LIN52: variants seen among roughly 807,000 people sequenced by gnomAD.
The protein encoded by LIN52 is lin-52 DREAM MuvB core complex component.
Under a neutral mutation model 18.5 loss-of-function variants are expected in LIN52, and 4 were observed. The observed-to-expected ratio is 0.22, with a 90% CI of 0.11 to 0.49. The LOEUF is 0.49. Among genes scored for constraint, LIN52 ranks in the 20% least tolerant of loss-of-function variants. The pLI is 0.97. For synonymous variants in LIN52, 34 were observed against 45.5 expected (o/e 0.75, Z 1.02); for missense variants, 102 against 139.5 (o/e 0.73, Z 1.35).
At chr14:74,167,580 C>G (rs926601828) in intron 5 of LIN52, among the ~76,000 whole-genome samples, 3 of 152,182 alleles carry the variant, frequency 2.0e-5, no homozygotes, top group African/African-American at 7.2e-5. Context: ...TCCAGAAATT[C>G]TTAACATGTA....
At position 74,097,882 on chromosome 14, in the gene LIN52, TTTTAACTGGATATTTATGTTTTTCCA is replaced by T. The variant is rs1371167857; in HGVS notation, c.199+24_199+49del. ...AAAGGTAAGTGATGCTAGTTACCACTTTTAACTGGATATTTATGTTTTTCCATAGACCACCTCTCTATTTTTTTTTT... is the reference window on the plus strand; with the variant it reads ...AAAGGTAAGTGATGCTAGTTACCACTTAGACCACCTCTCTATTTTTTTTTT... On this transcript the variant is annotated intron_variant, in intron 4 of 5. Coordinates refer to ENST00000555028, the MANE Select transcript of LIN52 (RefSeq NM_001024674.3). 8 of 1,561,198 alleles carry T rather than the reference TTTTAACTGGATATTTATGTTTTTCCA, an allele frequency of 5.1e-6. No individual in the cohort carries two copies. The Admixed American group carries it at 1.0e-4, about 20-fold the overall frequency.
chr14:74,085,056 C>G, intron 1 of LIN52, 63 bp downstream of exon 1: 3 of 1,284,088 alleles, frequency 2.3e-6, no homozygotes, highest in Non-Finnish European at 3.0e-6. Context: ...GGAACATCCA[C>G]TCTGTCTCTG....
chr14:74,140,735 C>T (rs1261091377), intron 5 of LIN52, among the ~76,000 whole-genome samples: 1 of 152,192 alleles, frequency 6.6e-6, no homozygotes, highest in African/African-American at 2.4e-5. Context: ...CAAGAAGAGG[C>T]TGGGTATTAT....
intron 5 of LIN52, among the ~76,000 whole-genome samples, chr14:74,164,928 A>C (rs1249320794): frequency 6.6e-6 from 1 of 152,194 alleles, no homozygotes; most frequent in Non-Finnish European, 1.5e-5. Flanking sequence ...AACTTGGAGA[A>C]AACAGAATAT....
chr14:74,175,441 CT>C (rs1484485477), intron 5 of LIN52, among the ~76,000 whole-genome samples: 1 of 151,728 alleles, frequency 6.6e-6, no homozygotes, highest in African/African-American at 2.4e-5. Context: ...CACCATACTC[CT>C]GTCCAGGCTA....
rs769971029 is a variant in LIN52, at chr14:74,199,221, C to T, written c.*244C>T. 3 of 398,400 alleles carry T rather than the reference C, an allele frequency of 7.5e-6. No homozygotes were observed. The highest frequency in any genetic ancestry group is 6.7e-5 in the South Asian group (1 of 14,956). 24.7% of individuals were successfully genotyped at this position (398,400 alleles called of 1,614,324 possible). A position where few individuals can be genotyped will look rare whatever the true frequency, so the allele number is the denominator to read the frequency against. ...TTTCAGACTTGAACCTTCTTAGCCT[C>T]GGATATTGGTAACAGCTGAGGGCAT... On this transcript the variant is annotated 3_prime_UTR_variant, in exon 6 of 6. Transcript: ENST00000555028.
At chr14:74,154,120 GT>G (rs1003817255) in intron 5 of LIN52, among the ~76,000 whole-genome samples, 31 of 144,752 alleles carry the variant, frequency 2.1e-4, no homozygotes, top group African/African-American at 5.3e-4. Flanking sequence ...TTTCCTTAAT[GT>G]TTTTTTTTTT....
intron 5 of LIN52, among the ~76,000 whole-genome samples, chr14:74,145,393 A>T (rs936699884): frequency 1.3e-5 from 2 of 152,214 alleles, no homozygotes; most frequent in African/African-American, 4.8e-5. Flanking sequence ...TGTGAAAATA[A>T]TCTTAAAGTT....
At chr14:74,172,370 C>G (rs917481362) in intron 5 of LIN52, among the ~76,000 whole-genome samples, 1 of 152,184 alleles carries the variant, frequency 6.6e-6, no homozygotes, top group Non-Finnish European at 1.5e-5. Flanking sequence ...TATAACTTCT[C>G]TCTCTCAGTT....
At chr14:74,142,274 CA>C (rs1446245904) in intron 5 of LIN52, among the ~76,000 whole-genome samples, 3 of 152,186 alleles carry the variant, frequency 2.0e-5, no homozygotes, top group Non-Finnish European at 4.4e-5. Context: ...GAAGAGATGT[CA>C]TACTACTAAA....
At chr14:74,095,884 T>C (rs940212993) in intron 2 of LIN52, 64 bp from the exon 3 acceptor site, 2 of 1,042,844 alleles carry the variant, frequency 1.9e-6, no homozygotes, top group Admixed American at 2.3e-5. Context: ...TTCTTATTAT[T>C]TGGATCTTCT....
At chr14:74,179,407 C>T (rs891702277) in intron 5 of LIN52, among the ~76,000 whole-genome samples, 1 of 152,090 alleles carries the variant, frequency 6.6e-6, no homozygotes, top group African/African-American at 2.4e-5. Context: ...TGCCTGTAAT[C>T]CCAACACTTT....
chr14:74,142,069 G>A (rs1300193791), intron 5 of LIN52, among the ~76,000 whole-genome samples: 4 of 152,202 alleles, frequency 2.6e-5, no homozygotes, highest in African/African-American at 9.6e-5. Flanking sequence ...TCAGTGATAG[G>A]AGAAATCAGT....
At chr14:74,132,268 C>A (rs1309684876) in intron 5 of LIN52, among the ~76,000 whole-genome samples, 1 of 152,148 alleles carries the variant, frequency 6.6e-6, no homozygotes, top group Non-Finnish European at 1.5e-5. Context: ...ATAATAGTAA[C>A]AGTGGATGTC....
At chr14:74,184,543 CT>C (rs1295767157) in intron 5 of LIN52, among the ~76,000 whole-genome samples, 1 of 152,212 alleles carries the variant, frequency 6.6e-6, no homozygotes, top group Non-Finnish European at 1.5e-5. Context: ...CACATCAAGA[CT>C]GACATGACAT....
intron 5 of LIN52, among the ~76,000 whole-genome samples, chr14:74,194,523 A>C (rs897542576): frequency 3.3e-5 from 5 of 152,182 alleles, no homozygotes; most frequent in African/African-American, 9.7e-5. Flanking sequence ...GGGATAACAG[A>C]AACAGTGGAA....
chr14:74,136,224 C>T (rs2061097114), intron 5 of LIN52, among the ~76,000 whole-genome samples: 1 of 152,172 alleles, frequency 6.6e-6, no homozygotes, highest in Non-Finnish European at 1.5e-5. Flanking sequence ...GTTGAAAGTG[C>T]TTAACATTCA....
At chr14:74,103,434 T>C (rs1261748307) in intron 5 of LIN52, among the ~76,000 whole-genome samples, 1 of 125,608 alleles carries the variant, frequency 8.0e-6, no homozygotes, top group African/African-American at 2.6e-5. Context: ...AAGATTTTTT[T>C]TTTTTTTTTT....
chr14:74,192,606 T>C lies in LIN52; in HGVS notation c.284-6316T>C, dbSNP rs75893518. The C allele has an allele frequency of 1.6e-3, 338 of 208,860 alleles. 2 individuals are homozygous for C. Among genetic ancestry groups the C allele is most frequent in the African/African-American group, 7.3e-3 (311 of 42,462 alleles). The allele number at this position is 208,860 out of a possible 1,614,324, so 12.9% of individuals were successfully genotyped here. On this transcript the variant is annotated intron_variant, in intron 5 of 5. Coordinates refer to ENST00000555028, the MANE Select transcript of LIN52 (RefSeq NM_001024674.3). The stretch of plus-strand genomic sequence containing the variant: ...CCCAGCCAACAGTGGTCATATTAAT[T>C]TGAAGGTGGAGGGGTAGGATAGTTC...
Sources: allele counts gnomAD v4.1 joint callset (sites outside exome capture counted in the v4.1 genomes callset), GRCh38; gene constraint gnomAD v4.1.1; transcripts MANE v1.5; gene names NCBI Gene and HGNC (gene_info 2026-07-23, HGNC 2026-07-21).